Variants in NKAIN2 observed in about 807,000 individuals in gnomAD.
The protein encoded by NKAIN2 is sodium/potassium transporting ATPase interacting 2.
A neutral mutation model predicts 32.6 loss-of-function variants in NKAIN2; 14 were observed. That is an observed-to-expected ratio of 0.43 (90% CI 0.28 to 0.67). The LOEUF (loss-of-function observed/expected upper bound fraction) is 0.67. Among genes scored for constraint, NKAIN2 ranks in the 30% least tolerant of loss-of-function variants. The pLI, the probability that NKAIN2 is intolerant of heterozygous loss-of-function variation, is 0.17. For synonymous variants in NKAIN2, 80 were observed against 87.2 expected (o/e 0.92, Z 0.46); for missense variants, 198 against 258.3 (o/e 0.77, Z 1.60).
chr6:124,682,667 G>C (rs955766543), intron 4 of NKAIN2, among the ~76,000 whole-genome samples: 3 of 152,060 alleles, frequency 2.0e-5, no homozygotes, highest in African/African-American at 7.2e-5. Context: ...TGCTGAACTT[G>C]AGTAAATTTT....
intron 1 of NKAIN2, among the ~76,000 whole-genome samples, chr6:124,040,952 G>A (rs76076190): frequency 0.021 from 3,150 of 152,002 alleles, 116 homozygotes; most frequent in African/African-American, 0.072. Flanking sequence ...GCCTCATTCC[G>A]GTTTTCAGGG....
chr6:124,488,186 G>C (rs930272621), intron 3 of NKAIN2, among the ~76,000 whole-genome samples: 3 of 151,970 alleles, frequency 2.0e-5, no homozygotes, highest in African/African-American at 4.8e-5. Context: ...ATAATAATAA[G>C]ACAAGGAATA....
At chr6:123,896,063 C>A (rs1164875652) in intron 1 of NKAIN2, among the ~76,000 whole-genome samples, 1 of 152,154 alleles carries the variant, frequency 6.6e-6, no homozygotes, top group Non-Finnish European at 1.5e-5. Context: ...GCATCTGCAT[C>A]TCAGACACGT....
intron 1 of NKAIN2, among the ~76,000 whole-genome samples, chr6:124,021,392 ATTAT>A (rs1462594501): frequency 6.6e-6 from 1 of 152,028 alleles, no homozygotes; most frequent in Non-Finnish European, 1.5e-5. Flanking sequence ...ATAAATTAAG[ATTAT>A]TTAATTTCTC....
chr6:124,332,755 A>G (rs575162303), intron 2 of NKAIN2, among the ~76,000 whole-genome samples: 1 of 152,368 alleles, frequency 6.6e-6, no homozygotes, highest in Non-Finnish European at 1.5e-5. Context: ...GGAATGAGAC[A>G]TTCTGTTTGT....
At chr6:123,877,841 G>A (rs866072611) in intron 1 of NKAIN2, among the ~76,000 whole-genome samples, 5 of 152,086 alleles carry the variant, frequency 3.3e-5, no homozygotes, top group African/African-American at 9.7e-5. Flanking sequence ...GATGGTTTTC[G>A]AAAGTAACTT....
At chr6:124,045,232 G>A (rs1297967407) in intron 1 of NKAIN2, among the ~76,000 whole-genome samples, 1 of 151,508 alleles carries the variant, frequency 6.6e-6, no homozygotes, top group Non-Finnish European at 1.5e-5. Flanking sequence ...GAAACTACTG[G>A]TCTGCAAGAT....
intron 3 of NKAIN2, among the ~76,000 whole-genome samples, chr6:124,544,489 T>C (rs1272111721): frequency 1.3e-5 from 2 of 152,094 alleles, no homozygotes; most frequent in African/African-American, 4.8e-5. Flanking sequence ...TGTGGAGCTT[T>C]TGAAAATGAC....
At chr6:124,789,332 A>T (rs546658857) in intron 4 of NKAIN2, among the ~76,000 whole-genome samples, 1 of 152,124 alleles carries the variant, frequency 6.6e-6, no homozygotes, top group South Asian at 2.1e-4. Flanking sequence ...ATAAGCATTT[A>T]ACACTGAAAA....
intron 1 of NKAIN2, among the ~76,000 whole-genome samples, chr6:124,162,774 T>C (rs1266806407): frequency 6.6e-5 from 10 of 152,104 alleles, no homozygotes; most frequent in African/African-American, 2.4e-4. Context: ...TTACACCCTT[T>C]GGAATAGCAT....
intron 3 of NKAIN2, among the ~76,000 whole-genome samples, chr6:124,457,343 C>T (rs576907053): frequency 3.9e-5 from 6 of 152,020 alleles, no homozygotes; most frequent in Non-Finnish European, 7.4e-5. Flanking sequence ...TGAAATACAT[C>T]GGAGAAATGC....
At chr6:124,693,179 A>T (rs968545896) in intron 4 of NKAIN2, among the ~76,000 whole-genome samples, 4 of 152,192 alleles carry the variant, frequency 2.6e-5, no homozygotes, top group African/African-American at 9.6e-5. Flanking sequence ...CACAGACCAC[A>T]TATACAATGT....
chr6:123,898,221 G>A (rs902059902), intron 1 of NKAIN2, among the ~76,000 whole-genome samples: 6 of 152,086 alleles, frequency 3.9e-5, no homozygotes, highest in Admixed American at 3.3e-4. Context: ...TTGAGCTTGT[G>A]CTCACTTGAA....
At chr6:123,899,820 AACACAC>A (rs141379340) in intron 1 of NKAIN2, among the ~76,000 whole-genome samples, 1 of 151,822 alleles carries the variant, frequency 6.6e-6, no homozygotes, top group Non-Finnish European at 1.5e-5. Context: ...ATACCTGTTG[AACACAC>A]ACACACAGGG....
At chr6:124,407,943 C>A in intron 3 of NKAIN2, among the ~76,000 whole-genome samples, 1 of 151,422 alleles carries the variant, frequency 6.6e-6, no homozygotes, top group Non-Finnish European at 1.5e-5. Flanking sequence ...TCTCTGATGG[C>A]CAGTGATGAT....
chr6:123,975,660 A>G (rs571351895), intron 1 of NKAIN2, among the ~76,000 whole-genome samples: 2 of 152,238 alleles, frequency 1.3e-5, no homozygotes, highest in Admixed American at 6.5e-5. Context: ...GTGAGGGCCA[A>G]CTTCCTCATA....
intron 3 of NKAIN2, among the ~76,000 whole-genome samples, chr6:124,540,547 A>G (rs1350685046): frequency 6.6e-6 from 1 of 152,214 alleles, no homozygotes; most frequent in Non-Finnish European, 1.5e-5. Context: ...CCTAGGTTTT[A>G]ACCCCACTGT....
At chr6:124,096,085 A>G (rs1167573266) in intron 1 of NKAIN2, among the ~76,000 whole-genome samples, 1 of 152,198 alleles carries the variant, frequency 6.6e-6, no homozygotes, top group African/African-American at 2.4e-5. Context: ...GAAGTGAATA[A>G]TAGTTTTTCA....
At position 124,283,011 on chromosome 6, in the gene NKAIN2, G is replaced by C; in HGVS notation, c.61G>C (p.Val21Leu). The change falls in exon 2 of 7, where the codon GTG (valine) becomes CTG (leucine). Residue 21 changes from valine (V) to leucine (L), a missense_variant. Val to Leu is a conservative substitution (Grantham distance 32, BLOSUM62 1). Coordinates refer to ENST00000368417, the MANE Select transcript of NKAIN2 (RefSeq NM_001040214.3). ...TCCTGTTTTGCTATTCTAGGTTTGT[G>C]TGCTGGAGAGGCAAATATTTGACTT... ...IFICGMQLVC[V>L]LERQIFDFLG... is the part of the protein sequence containing the mutation. 6.2e-7 allele frequency: 1 copy of C among 1,613,836 alleles called. No individual in the cohort carries two copies. The highest frequency in any genetic ancestry group is 8.5e-7 in the Non-Finnish European group (1 of 1,179,818).
Sources: allele counts gnomAD v4.1 joint callset (sites outside exome capture counted in the v4.1 genomes callset), GRCh38; gene constraint gnomAD v4.1.1; transcripts MANE v1.5; gene names NCBI Gene and HGNC (gene_info 2026-07-23, HGNC 2026-07-21).